CYFIP2: variants seen among roughly 807,000 people sequenced by gnomAD.
CYFIP2 encodes the protein cytoplasmic FMR1 interacting protein 2.
In CYFIP2, 29 loss-of-function variants were observed where a neutral mutation model predicts 158.7. The ratio of observed to expected loss-of-function variants is 0.18; its 90% CI spans 0.14 to 0.25. The LOEUF is 0.25. Among genes scored for constraint, CYFIP2 ranks in the 10% least tolerant of loss-of-function variants. The pLI is 1.00. For missense variants in CYFIP2, 852 were observed against 1,639.5 expected (o/e 0.52, Z 8.29); for synonymous variants, 585 against 617.6 (o/e 0.95, Z 0.78).
At chr5:157,329,925 G>C (rs1054429918) in intron 19 of CYFIP2, among the ~76,000 whole-genome samples, 3 of 152,150 alleles carry the variant, frequency 2.0e-5, no homozygotes, top group Non-Finnish European at 4.4e-5. Flanking sequence ...GCCCTACCTG[G>C]TTTGGCCCTG....
At chr5:157,299,550 A>C (rs1309278624) in intron 5 of CYFIP2, among the ~76,000 whole-genome samples, 1 of 152,102 alleles carries the variant, frequency 6.6e-6, no homozygotes, top group Non-Finnish European at 1.5e-5. Flanking sequence ...TTTTTTCCAT[A>C]GCACATACCA....
rs536425964 is a variant in CYFIP2 at position 157,359,744 on chromosome 5, C to G, written c.2818-538C>G. On this transcript the variant is annotated intron_variant, in intron 24 of 30. Coordinates refer to ENST00000620254, the MANE Select transcript of CYFIP2 (RefSeq NM_001037333.3). ...ACATTTAAGATGTTTATGAAAATTT[C>G]AAATGATGAAAGAGAAAGTAATATA... Among the ~76,000 whole-genome samples, 5 of 152,310 alleles carry G rather than the reference C, an allele frequency of 3.3e-5. 1 individual carries two copies. In the South Asian group the frequency reaches 1.0e-3, roughly 32 times the overall value.
At chr5:157,300,585 T>C in intron 5 of CYFIP2, 130 bp from the exon 6 acceptor site, 1 of 736,350 alleles carries the variant, frequency 1.4e-6, no homozygotes, top group African/African-American at 1.8e-5. Context: ...TAAGGACTCC[T>C]CTGAGAAAAA....
intron 11 of CYFIP2, 31 bp from the exon 12 acceptor site, chr5:157,314,313 G>A (rs1283222301): frequency 4.4e-6 from 7 of 1,609,002 alleles, no homozygotes; most frequent in Non-Finnish European, 5.9e-6. Flanking sequence ...CAGGCACATA[G>A]ACCATGAGTA....
At chr5:157,343,087 G>A in intron 23 of CYFIP2, 1 of 1,614,168 alleles carries the variant, frequency 6.2e-7, no homozygotes, top group Non-Finnish European at 8.5e-7. Flanking sequence ...CCTCCATGTG[G>A]CCAGCCCTGT....
intron 23 of CYFIP2, among the ~76,000 whole-genome samples, chr5:157,346,608 C>T (rs929153582): frequency 6.6e-5 from 10 of 152,078 alleles, no homozygotes; most frequent in Non-Finnish European, 1.3e-4. Context: ...CATGGTTCTG[C>T]GAGAGCCTTG....
chr5:157,276,257 T>C (rs546441470), intron 1 of CYFIP2, among the ~76,000 whole-genome samples: 4 of 152,320 alleles, frequency 2.6e-5, no homozygotes, highest in African/African-American at 9.6e-5. Context: ...AGTCTGATAT[T>C]AGCTAAGAGT....
intron 8 of CYFIP2, 95 bp from the exon 9 acceptor site, chr5:157,307,666 T>C (rs1477449461): frequency 3.0e-6 from 2 of 666,640 alleles, no homozygotes; most frequent in African/African-American, 3.6e-5. Context: ...TATGTGTGTG[T>C]GTGTGTGTGA....
At chr5:157,320,896 G>A (rs1198606580) in intron 15 of CYFIP2, 94 bp downstream of exon 15, 4 of 1,415,154 alleles carry the variant, frequency 2.8e-6, no homozygotes, top group Non-Finnish European at 2.8e-6. Context: ...GTGGGACTGG[G>A]AGCCGTCGGT....
At chr5:157,329,968 T>C (rs547788996) in intron 19 of CYFIP2, among the ~76,000 whole-genome samples, 6 of 152,238 alleles carry the variant, frequency 3.9e-5, no homozygotes, top group Non-Finnish European at 7.3e-5. Context: ...TGCACCATGC[T>C]CTCCAACCTG....
intron 26 of CYFIP2, among the ~76,000 whole-genome samples, chr5:157,377,186 G>A (rs1450395264): frequency 6.6e-6 from 1 of 151,734 alleles, no homozygotes; most frequent in East Asian, 1.9e-4. Context: ...ACTGCAGCTT[G>A]GCCATTTCCC....
chr5:157,293,010 ATATG>A (rs57500401), intron 3 of CYFIP2, among the ~76,000 whole-genome samples: 54,087 of 143,936 alleles, frequency 0.38, 10,173 homozygotes, highest in East Asian at 0.58. Context: ...TTGAGCCCAG[ATATG>A]TATGTATGTA....
At chr5:157,388,989 T>C (rs987151854) in intron 28 of CYFIP2, among the ~76,000 whole-genome samples, 200 bp from the exon 29 acceptor site, 2 of 152,252 alleles carry the variant, frequency 1.3e-5, no homozygotes, top group Non-Finnish European at 1.5e-5. Flanking sequence ...TGGATTTTAC[T>C]TAACACCAGT....
intron 9 of CYFIP2, 121 bp downstream of exon 9, chr5:157,307,986 C>G (rs1561712112): frequency 1.6e-6 from 1 of 619,332 alleles, no homozygotes; most frequent in Non-Finnish European, 2.9e-6. Context: ...GCTGTAGCTC[C>G]AAAGATCCCA....
chr5:157,339,119 G>A lies in CYFIP2; in HGVS notation c.2448G>A (p.Thr816=), dbSNP rs371132555. ...ATCGGCTGCTCTGTAAGCATATGAC[G>A]CTGGACAGCTTCGATGCCATGTTCC... ...LTHRLLCKHM[T]LDSFDAMFRE... Residue 816 remains threonine, a synonymous_variant, in exon 22 of 31, where the codon ACG becomes ACA. Coordinates refer to ENST00000620254, the MANE Select transcript of CYFIP2 (RefSeq NM_001037333.3). The A allele has an allele frequency of 3.9e-5, 63 of 1,613,866 alleles. No homozygotes were observed. The highest frequency in any genetic ancestry group is 2.2e-4 in the Admixed American group (13 of 60,000).
At chr5:157,349,734 CA>C (rs1762946420) in intron 23 of CYFIP2, among the ~76,000 whole-genome samples, 1 of 152,222 alleles carries the variant, frequency 6.6e-6, no homozygotes, top group South Asian at 2.1e-4. Context: ...TTCCCACCAG[CA>C]GCGTAAAAGT....
chr5:157,280,147 T>C (rs1234631707), intron 1 of CYFIP2, among the ~76,000 whole-genome samples: 1 of 152,142 alleles, frequency 6.6e-6, no homozygotes, highest in East Asian at 1.9e-4. Flanking sequence ...TGTTCAGGGG[T>C]ACTATTATGC....
chr5:157,332,319 A>AT (rs1431007004), intron 20 of CYFIP2, among the ~76,000 whole-genome samples: 1 of 152,164 alleles, frequency 6.6e-6, no homozygotes, highest in East Asian at 1.9e-4. Context: ...TTTAGTTCAC[A>AT]TTCTTTCTCT....
chr5:157,343,441 G>C (rs758631150), intron 23 of CYFIP2: 1 of 1,614,122 alleles, frequency 6.2e-7, no homozygotes, highest in Non-Finnish European at 8.5e-7. Context: ...AGTTGGGCCT[G>C]TACATAATAT....
Sources: gnomAD v4.1 joint callset for allele counts (sites outside exome capture counted in the v4.1 genomes callset) on GRCh38, gnomAD v4.1.1 for gene constraint, MANE v1.5 for transcripts, NCBI Gene and HGNC (gene_info 2026-07-23, HGNC 2026-07-21) for gene names.